DAPK1: variants seen among roughly 807,000 people sequenced by gnomAD.
DAPK1 encodes the protein death associated protein kinase 1, also known as death-associated protein kinase 1.
Under a neutral mutation model 144.9 loss-of-function variants are expected in DAPK1, and 56 were observed. The ratio of observed to expected loss-of-function variants is 0.39; its 90% CI spans 0.31 to 0.48. DAPK1 has a LOEUF of 0.48. Among genes scored for constraint, DAPK1 ranks in the 20% least tolerant of loss-of-function variants. DAPK1 has a pLI of 0.95. For synonymous variants in DAPK1, 690 were observed against 749.0 expected (o/e 0.92, Z 1.29); for missense variants, 1,454 against 1,875.4 (o/e 0.78, Z 4.15).
At chr9:87,502,882 G>C (rs56175711) in intron 2 of DAPK1, among the ~76,000 whole-genome samples, 2,286 of 152,242 alleles carry the variant, frequency 0.015, 53 homozygotes, top group African/African-American at 0.053. Context: ...ATGGTGTGCA[G>C]GGTTTCATAG....
chr9:87,632,484 GTATA>G, intron 3 of DAPK1: 1 of 979,982 alleles, frequency 1.0e-6, no homozygotes. Flanking sequence ...AGGGTGATCA[GTATA>G]TATGTAGGGA....
chr9:87,533,528 G>C (rs1323370174), intron 2 of DAPK1, among the ~76,000 whole-genome samples: 1 of 152,198 alleles, frequency 6.6e-6, no homozygotes, highest in Admixed American at 6.5e-5. Flanking sequence ...AGCAGAGAAG[G>C]CTCCTGGAGC....
intron 19 of DAPK1, among the ~76,000 whole-genome samples, chr9:87,671,119 T>C (rs1370240136): frequency 6.6e-6 from 1 of 152,216 alleles, no homozygotes; most frequent in Non-Finnish European, 1.5e-5. Flanking sequence ...CCCCGTTATC[T>C]GCAGCCTGCT....
chr9:87,604,323 G>A (rs1182988326), intron 2 of DAPK1, among the ~76,000 whole-genome samples: 1 of 152,144 alleles, frequency 6.6e-6, no homozygotes, highest in Non-Finnish European at 1.5e-5. Flanking sequence ...TTACAGTTGG[G>A]GGTGGAATCG....
chr9:87,650,718 G>A (rs1335533824), intron 16 of DAPK1, among the ~76,000 whole-genome samples: 3 of 152,140 alleles, frequency 2.0e-5, no homozygotes, highest in Non-Finnish European at 4.4e-5. Context: ...ATGGTTCTGG[G>A]TCGGGGGCGA....
At chr9:87,561,478 A>G (rs1181024061) in intron 2 of DAPK1, among the ~76,000 whole-genome samples, 3 of 152,192 alleles carry the variant, frequency 2.0e-5, no homozygotes, top group African/African-American at 7.2e-5. Flanking sequence ...GTGAGCCGAG[A>G]TGGCACCACT....
chr9:87,563,977 G>A (rs866421546), intron 2 of DAPK1, among the ~76,000 whole-genome samples: 1 of 152,150 alleles, frequency 6.6e-6, no homozygotes, highest in African/African-American at 2.4e-5. Flanking sequence ...AGTTTTTGGC[G>A]CCATTTTGGA....
chr9:87,700,089 G>C, intron 23 of DAPK1, 28 bp from the exon 24 acceptor site: 2 of 1,603,522 alleles, frequency 1.2e-6, no homozygotes, highest in Non-Finnish European at 8.5e-7. Flanking sequence ...TTGACTCACT[G>C]CTGAGGAGGC....
chr9:87,602,525 C>A (rs1828559499), intron 2 of DAPK1, among the ~76,000 whole-genome samples: 1 of 152,180 alleles, frequency 6.6e-6, no homozygotes, highest in African/African-American at 2.4e-5. Flanking sequence ...GAGAAACTTC[C>A]AATATAGAAC....
chr9:87,611,451 A>G (rs1828925125), intron 3 of DAPK1, among the ~76,000 whole-genome samples: 1 of 152,148 alleles, frequency 6.6e-6, no homozygotes, highest in South Asian at 2.1e-4. Flanking sequence ...GGCCCAGCTC[A>G]GAATTGACTT....
intron 21 of DAPK1, among the ~76,000 whole-genome samples, chr9:87,692,996 T>C (rs1268054221): frequency 7.4e-6 from 1 of 134,824 alleles, no homozygotes; most frequent in African/African-American, 2.8e-5. Flanking sequence ...TTTTTTCTGT[T>C]TTCAGACTTC....
chr9:87,661,049 A>G (rs1303773387), intron 18 of DAPK1, among the ~76,000 whole-genome samples: 2 of 152,184 alleles, frequency 1.3e-5, no homozygotes, highest in Admixed American at 1.3e-4. Flanking sequence ...CATGTTGGCC[A>G]GGATGGTCTG....
chr9:87,654,268 A>G lies in DAPK1; in HGVS notation c.1824+2544A>G, dbSNP rs1315815024. ...CCTGTGATTTTGGCCCTGTAGCTGT[A>G]TTAAAGACAAGCATTATGCCATTAC... On this transcript the variant is annotated intron_variant, in intron 17 of 25. Coordinates refer to ENST00000408954, the MANE Select transcript of DAPK1 (RefSeq NM_004938.4). Among the ~76,000 whole-genome samples, 4 of 152,314 alleles carry G rather than the reference A, an allele frequency of 2.6e-5. No homozygotes were observed. The East Asian group carries it at 5.8e-4, about 22-fold the overall frequency.
Position 87,640,663 on chromosome 9 carries a change from G to T in DAPK1, c.783-139G>T, listed in dbSNP as rs1830064682. ...AGGCACAGTGAAATAATCACAAAAA[G>T]ACCGATGTTGTTTTTGGCTTTCTTC... On this transcript the variant is annotated intron_variant, in intron 8 of 25. Transcript: ENST00000408954. The T allele has an allele frequency of 2.9e-6, 3 of 1,051,076 alleles. No homozygotes were observed. The East Asian group carries it at 7.1e-5, about 25-fold the overall frequency. The allele number at this position is 1,051,076 out of a possible 1,614,324, so 65.1% of individuals were successfully genotyped here.
chr9:87,685,753 AC>A (rs1824819464), intron 20 of DAPK1, among the ~76,000 whole-genome samples: 1 of 152,192 alleles, frequency 6.6e-6, no homozygotes, highest in Non-Finnish European at 1.5e-5. Context: ...AAACTGACTC[AC>A]TTTTTAAAAT....
Position 87,640,257 on chromosome 9 carries a change from G to T in DAPK1, c.630-41G>T, listed in dbSNP as rs759760439. 1.6e-5 allele frequency: 26 copies of T among 1,582,628 alleles called. No individual in the cohort carries two copies. The South Asian group carries it at 2.4e-4, about 15-fold the overall frequency. Reference sequence around the variant, plus strand: ...TAGGAGCAAAATGACAACACCAAGGGGTCATCATTAATGTTCTATGCCCAA... The same window carrying T: ...TAGGAGCAAAATGACAACACCAAGGTGTCATCATTAATGTTCTATGCCCAA... On this transcript the variant is annotated intron_variant, in intron 7 of 25. Transcript: ENST00000408954.
chr9:87,614,284 T>C (rs910765142), intron 3 of DAPK1, among the ~76,000 whole-genome samples: 3 of 152,244 alleles, frequency 2.0e-5, no homozygotes, highest in Non-Finnish European at 2.9e-5. Flanking sequence ...TGTGAGCTCA[T>C]AGATCTGTAG....
rs536787722 is a variant in DAPK1 at position 87,546,318 on chromosome 9, C to T, written c.62+47179C>T. Among the ~76,000 whole-genome samples the T allele has an allele frequency of 2.0e-5, 3 of 152,230 alleles. No individual in the cohort carries two copies. The South Asian group carries it at 6.2e-4, about 32-fold the overall frequency. On this transcript the variant is annotated intron_variant, in intron 2 of 25. Coordinates refer to ENST00000408954, the MANE Select transcript of DAPK1 (RefSeq NM_004938.4). Reference sequence around the variant, plus strand: ...GAGGGGAAAACGAGAGCAAGAGCCTCTACTGTGGTTTCTGCAGAAAGGAAT... The same window carrying T: ...GAGGGGAAAACGAGAGCAAGAGCCTTTACTGTGGTTTCTGCAGAAAGGAAT...
chr9:87,512,472 G>A (rs544497226), intron 2 of DAPK1, among the ~76,000 whole-genome samples: 9 of 152,278 alleles, frequency 5.9e-5, no homozygotes, highest in Non-Finnish European at 1.0e-4. Context: ...AACTGTCCGT[G>A]CCAAGAAAAG....
Sources: allele counts gnomAD v4.1 joint callset (sites outside exome capture counted in the v4.1 genomes callset), GRCh38; gene constraint gnomAD v4.1.1; transcripts MANE v1.5; gene names NCBI Gene and HGNC (gene_info 2026-07-23, HGNC 2026-07-21).